The following GRM7 variants were observed in gnomAD, a reference collection of about 807,000 sequenced individuals.
GRM7 encodes the protein glutamate metabotropic receptor 7.
A neutral mutation model predicts 84.5 loss-of-function variants in GRM7; 35 were observed. The observed-to-expected ratio is 0.41, with a 90% confidence interval of 0.32 to 0.55. The LOEUF is 0.55. Ranked by LOEUF, GRM7 falls within the 20% of genes least tolerant of loss-of-function variation. The pLI is 0.19. For missense variants in GRM7, 1,003 were observed against 1,194.6 expected, an observed-to-expected ratio of 0.84 and a Z score of 2.36; for synonymous variants, 487 against 455.1, an observed-to-expected ratio of 1.07 and a Z score of -0.89.
In GRM7 at chr3:7,364,217, G is replaced by T. The variant is rs138094212; in HGVS notation, c.1034-50806G>T. 2.9e-3 allele frequency among the ~76,000 whole-genome samples: 437 copies of T among 151,940 alleles called. 4 individuals are homozygous for T. The highest frequency in any genetic ancestry group is 0.01 in the African/African-American group (418 of 41,530). On this transcript the variant is annotated intron_variant, in intron 4 of 9. Transcript: ENST00000357716. ...TAGATGTATATATATATCACATTCA[G>T]AATTGGTATCTTTCTTCCTGAGTTT...
intron 1 of GRM7, among the ~76,000 whole-genome samples, chr3:7,031,983 G>T (rs572602228): frequency 1.3e-4 from 20 of 152,186 alleles, no homozygotes; most frequent in African/African-American, 4.6e-4. Flanking sequence ...CTCTAGCATT[G>T]ATCAGGCATT....
intron 1 of GRM7, among the ~76,000 whole-genome samples, chr3:6,963,234 C>T (rs1344665518): frequency 2.0e-5 from 3 of 152,130 alleles, no homozygotes; most frequent in South Asian, 4.1e-4. Context: ...AAAATAGAAC[C>T]ATGTGGAAAA....
At chr3:7,477,204 T>G (rs573546188) in intron 7 of GRM7, among the ~76,000 whole-genome samples, 105 of 152,244 alleles carry the variant, frequency 6.9e-4, no homozygotes, top group African/African-American at 2.5e-3. Flanking sequence ...CAAAAGCATT[T>G]CTGGTGGAAT....
chr3:7,118,049 G>A (rs912546238), intron 1 of GRM7, among the ~76,000 whole-genome samples: 2 of 152,066 alleles, frequency 1.3e-5, no homozygotes, highest in African/African-American at 4.8e-5. Context: ...GACAATTTCT[G>A]TCAAAGGGAA....
At chr3:7,445,978 A>G (rs712787) in intron 5 of GRM7, among the ~76,000 whole-genome samples, 48,382 of 146,566 alleles carry the variant, frequency 0.33, 8,244 homozygotes, top group East Asian at 0.62. Flanking sequence ...TTTGTCACAA[A>G]TCAAATATGC....
rs911356023 is a variant in GRM7 at position 7,447,378 on chromosome 3, C to T, written c.1175-5229C>T. Among the ~76,000 whole-genome samples, 6 of 152,022 alleles carry T rather than the reference C, an allele frequency of 3.9e-5. No homozygotes were observed. In the East Asian group the frequency reaches 1.2e-3, roughly 29 times the overall value. On this transcript the variant is annotated intron_variant, in intron 5 of 9. Coordinates refer to ENST00000357716, the MANE Select transcript of GRM7 (RefSeq NM_000844.4). ...TGTGTGGGTGTGTTTAATGCTAGTC[C>T]CTTAGAATTTTGTAAATGGGTATAT...
At chr3:7,203,242 C>G (rs571773524) in intron 2 of GRM7, among the ~76,000 whole-genome samples, 1 of 152,270 alleles carries the variant, frequency 6.6e-6, no homozygotes, top group African/African-American at 2.4e-5. Flanking sequence ...CCTTTGGTAT[C>G]TATCATTCTA....
intron 2 of GRM7, among the ~76,000 whole-genome samples, chr3:7,267,689 T>C (rs561668146): frequency 3.9e-5 from 6 of 152,048 alleles, no homozygotes; most frequent in African/African-American, 9.6e-5. Context: ...CTGAGTAAAA[T>C]TGGGGATTTT....
In GRM7 at chr3:7,671,379, G is replaced by A. The variant is rs373684884; in HGVS notation, c.2452-8670G>A. 2.0e-5 allele frequency among the ~76,000 whole-genome samples: 3 copies of A among 152,064 alleles called. No individual in the cohort carries two copies. The East Asian group carries it at 5.8e-4, about 29-fold the overall frequency. ...TATTTGGGAATAGACACTGCATCAG[G>A]CTTCCAGTCAGGAGAGCACAGCACT... On this transcript the variant is annotated intron_variant, in intron 8 of 9. Coordinates refer to ENST00000357716, the MANE Select transcript of GRM7 (RefSeq NM_000844.4).
At chr3:7,396,478 T>A (rs1054138709) in intron 4 of GRM7, among the ~76,000 whole-genome samples, 11 of 152,228 alleles carry the variant, frequency 7.2e-5, no homozygotes, top group African/African-American at 2.4e-4. Context: ...TTTCATCTTC[T>A]GCATCTTAAA....
intron 1 of GRM7, among the ~76,000 whole-genome samples, chr3:7,063,675 C>A (rs538946915): frequency 5.5e-4 from 83 of 151,788 alleles, no homozygotes; most frequent in Admixed American, 2.4e-3. Flanking sequence ...CATACACCAA[C>A]TGGAAAAAGA....
At chr3:6,979,033 A>G (rs1368585463) in intron 1 of GRM7, among the ~76,000 whole-genome samples, 3 of 152,174 alleles carry the variant, frequency 2.0e-5, no homozygotes, top group African/African-American at 7.2e-5. Flanking sequence ...GTAAGGAGAT[A>G]AAGACAAAAT....
At chr3:7,066,600 A>G (rs1009755777) in intron 1 of GRM7, among the ~76,000 whole-genome samples, 7 of 151,974 alleles carry the variant, frequency 4.6e-5, no homozygotes, top group Non-Finnish European at 1.0e-4. Flanking sequence ...CAGACATTCA[A>G]AGAATTGGTA....
chr3:7,338,128 A>G (rs1701495464), intron 4 of GRM7, among the ~76,000 whole-genome samples: 1 of 151,406 alleles, frequency 6.6e-6, no homozygotes, highest in African/African-American at 2.4e-5. Context: ...ACACACACAC[A>G]CACACACACA....
rs183656074 is a variant in GRM7 at position 7,139,227 on chromosome 3, C to T, written c.520-7225C>T. Among the ~76,000 whole-genome samples the T allele has an allele frequency of 4.4e-4, 66 of 151,236 alleles. No individual in the cohort carries two copies. In the East Asian group the frequency reaches 6.0e-3, roughly 14 times the overall value. The stretch of plus-strand genomic sequence containing the variant: ...AGAAAGAACACCACAGAGATTTGGA[C>T]GTTTTGTCATATTTTCTTTTTACGG... On this transcript the variant is annotated intron_variant, in intron 1 of 9. Transcript: ENST00000357716.
chr3:7,205,275 G>C (rs1236136252), intron 2 of GRM7, among the ~76,000 whole-genome samples: 1 of 152,202 alleles, frequency 6.6e-6, no homozygotes, highest in Non-Finnish European at 1.5e-5. Context: ...CTGAAGATCT[G>C]GTCGTGGGTG....
intron 8 of GRM7, among the ~76,000 whole-genome samples, chr3:7,632,949 A>C (rs547629021): frequency 7.2e-5 from 11 of 152,394 alleles, no homozygotes; most frequent in African/African-American, 2.6e-4. Context: ...CCAGTTTTAA[A>C]GAACCATAAA....
intron 4 of GRM7, among the ~76,000 whole-genome samples, chr3:7,326,181 G>GA (rs1425006341): frequency 2.3e-4 from 32 of 136,468 alleles, no homozygotes; most frequent in South Asian, 1.6e-3. Flanking sequence ...AAAAAAAAAA[G>GA]AAAAAAAAAC....
chr3:7,501,494 T>G (rs1041760780), intron 7 of GRM7, among the ~76,000 whole-genome samples: 1 of 152,220 alleles, frequency 6.6e-6, no homozygotes, highest in Non-Finnish European at 1.5e-5. Context: ...AATAGCCATC[T>G]GAGTTTGGCA....
Sources: gnomAD v4.1 joint callset for allele counts (sites outside exome capture counted in the v4.1 genomes callset) on GRCh38, gnomAD v4.1.1 for gene constraint, MANE v1.5 for transcripts, NCBI Gene and HGNC (gene_info 2026-07-23, HGNC 2026-07-21) for gene names.